The following RUNX2 variants were observed in gnomAD, a reference collection of about 807,000 sequenced individuals.
The protein encoded by RUNX2 is RUNX family transcription factor 2.
Under a neutral mutation model 51.7 loss-of-function variants are expected in RUNX2, and 10 were observed. That is an observed-to-expected ratio of 0.19 (90% CI 0.12 to 0.33). The LOEUF is 0.33. RUNX2 is among the 10% of genes least tolerant of loss of function. RUNX2 has a pLI of 1.00. For synonymous variants in RUNX2, 276 were observed against 273.6 expected (o/e 1.01, Z -0.09); for missense variants, 562 against 691.3 (o/e 0.81, Z 2.10).
chr6:45,526,482 G>C (rs1464733495), intron 7 of RUNX2, among the ~76,000 whole-genome samples: 1 of 152,098 alleles, frequency 6.6e-6, no homozygotes, highest in Admixed American at 6.6e-5. Flanking sequence ...TGTGATCACA[G>C]GACCAGGCTT....
intron 2 of RUNX2, among the ~76,000 whole-genome samples, chr6:45,353,295 C>T (rs1165843016): frequency 1.3e-5 from 2 of 151,738 alleles, no homozygotes; most frequent in African/African-American, 2.4e-5. Flanking sequence ...AAAATGATTC[C>T]TAAAAATTCA....
intron 2 of RUNX2, among the ~76,000 whole-genome samples, chr6:45,400,117 AGGAGGGAGGGAAGGAAGGAG>A (rs1346720671): frequency 3.8e-4 from 45 of 117,810 alleles, no homozygotes; most frequent in African/African-American, 1.3e-3. Flanking sequence ...GAAGGAAAGG[AGGAGGGAGGGAAGGAAGGAG>A]GGAGGGAGGG....
rs1802475242 is a variant in RUNX2 at position 45,548,661 on chromosome 6, A to G, written c.*1356A>G. ...ACAGAAAAATGTTCTGTGGTTTCATAGTTAAGCAAAACTCTAAATCGCCAG... is the reference window on the plus strand; with the variant it reads ...ACAGAAAAATGTTCTGTGGTTTCATGGTTAAGCAAAACTCTAAATCGCCAG... On this transcript the variant is annotated 3_prime_UTR_variant, in exon 9 of 9. Coordinates refer to ENST00000647337, the MANE Select transcript of RUNX2 (RefSeq NM_001024630.4). The G allele has an allele frequency of 6.5e-6, 1 of 153,666 alleles. No individual in the cohort carries two copies. Among genetic ancestry groups the G allele is most frequent in the Non-Finnish European group, 1.5e-5 (1 of 68,732 alleles). The allele number at this position is 153,666 out of a possible 1,614,324, so 9.5% of individuals were successfully genotyped here. A position where few individuals can be genotyped will look rare whatever the true frequency, so the allele number is the denominator to read the frequency against.
intron 3 of RUNX2, among the ~76,000 whole-genome samples, chr6:45,429,976 C>G (rs1582103011): frequency 6.6e-6 from 1 of 151,982 alleles, no homozygotes; most frequent in East Asian, 1.9e-4. Context: ...CACCTGTAAT[C>G]CCAGCTACTC....
At chr6:45,482,867 A>T (rs1035698510) in intron 5 of RUNX2, among the ~76,000 whole-genome samples, 14 of 152,302 alleles carry the variant, frequency 9.2e-5, no homozygotes, top group Middle Eastern at 3.4e-3. Flanking sequence ...TTCTCTCTTG[A>T]TAAACGCCGA....
Position 45,545,300 on chromosome 6 carries a change from TGCTGGGCTGGGCAGG to T in RUNX2, c.1087+31_1087+45del. 2.6e-6 allele frequency: 4 copies of T among 1,523,530 alleles called. No individual in the cohort carries two copies. The highest frequency in any genetic ancestry group is 1.4e-5 in the African/African-American group (1 of 72,454). The allele number at this position is 1,523,530 out of a possible 1,614,324, so 94.4% of individuals were successfully genotyped here. A position where few individuals can be genotyped will look rare whatever the true frequency, so the allele number is the denominator to read the frequency against. On this transcript the variant is annotated intron_variant, in intron 8 of 8. Coordinates refer to ENST00000647337, the MANE Select transcript of RUNX2 (RefSeq NM_001024630.4). ...CCAGGCAGGTGAGACTTTTAACAATTGCTGGGCTGGGCAGGGCTGGGCTGGGCTGGGCTGTCTGGT... is the reference window on the plus strand; with the variant it reads ...CCAGGCAGGTGAGACTTTTAACAATTGCTGGGCTGGGCTGGGCTGTCTGGT...
At chr6:45,425,852 C>T (rs529658742) in intron 3 of RUNX2, among the ~76,000 whole-genome samples, 1 of 152,154 alleles carries the variant, frequency 6.6e-6, no homozygotes, top group Admixed American at 6.5e-5. Context: ...TAGTGGTTGT[C>T]AGGTCAATAG....
intron 2 of RUNX2, among the ~76,000 whole-genome samples, chr6:45,340,467 G>A (rs1470216990): frequency 6.6e-6 from 1 of 151,880 alleles, no homozygotes; most frequent in Non-Finnish European, 1.5e-5. Flanking sequence ...TGGACTACAG[G>A]CACGCACCAC....
At chr6:45,505,623 AG>A (rs1307006334) in intron 6 of RUNX2, among the ~76,000 whole-genome samples, 1 of 152,134 alleles carries the variant, frequency 6.6e-6, no homozygotes, top group Non-Finnish European at 1.5e-5. Flanking sequence ...GTTTACATAA[AG>A]GGTTGTCTCC....
At chr6:45,427,360 A>C (rs1233469074) in intron 3 of RUNX2, among the ~76,000 whole-genome samples, 4 of 152,224 alleles carry the variant, frequency 2.6e-5, no homozygotes, top group African/African-American at 9.6e-5. Flanking sequence ...GCTGCTTTAC[A>C]TTGAAATAAT....
chr6:45,422,020 G>C (rs563844667), intron 2 of RUNX2: 1 of 149,094 alleles, frequency 6.7e-6, no homozygotes, highest in Admixed American at 6.7e-5. Context: ...CCCGCGCGGG[G>C]GGAGCGGCGG....
At chr6:45,329,900 T>C (rs1424381708) in intron 2 of RUNX2, among the ~76,000 whole-genome samples, 1 of 151,920 alleles carries the variant, frequency 6.6e-6, no homozygotes, top group Non-Finnish European at 1.5e-5. Flanking sequence ...TTTTCTTATA[T>C]CCATTAAAAT....
chr6:45,508,515 A>C (rs1406908295), intron 6 of RUNX2, among the ~76,000 whole-genome samples: 1 of 152,176 alleles, frequency 6.6e-6, no homozygotes, highest in Non-Finnish European at 1.5e-5. Flanking sequence ...GGTGTGAGCC[A>C]CTGCTCCCGG....
In RUNX2 at chr6:45,328,819, T is replaced by C. The variant is rs376606261; in HGVS notation, c.58+35T>C. ...ACCATTTTTAAAATCCTGTAAGATA[T>C]GAACCTGTTAAACATAAAGGTATGA... On this transcript the variant is annotated intron_variant, in intron 2 of 8. Coordinates refer to ENST00000647337, the MANE Select transcript of RUNX2 (RefSeq NM_001024630.4). 1.3e-4 allele frequency: 200 copies of C among 1,597,828 alleles called. 2 individuals are homozygous for C. In the South Asian group the frequency reaches 1.9e-3, roughly 15 times the overall value.
chr6:45,402,854 C>A (rs900305336), intron 2 of RUNX2, among the ~76,000 whole-genome samples: 5 of 152,180 alleles, frequency 3.3e-5, no homozygotes, highest in African/African-American at 1.2e-4. Flanking sequence ...GCCTGAGCTA[C>A]AGAGCAAGAC....
intron 5 of RUNX2, among the ~76,000 whole-genome samples, chr6:45,475,454 T>G (rs1799930856): frequency 6.6e-6 from 1 of 152,346 alleles, no homozygotes; most frequent in Middle Eastern, 3.4e-3. Flanking sequence ...TGGCTCCATG[T>G]GCAGGTATAC....
At position 45,430,969 on chromosome 6, in the gene RUNX2, C is replaced by G. The variant is rs140410870; in HGVS notation, c.424-894C>G. Among the ~76,000 whole-genome samples the G allele has an allele frequency of 7.9e-5, 12 of 152,312 alleles. No homozygotes were observed. The East Asian group carries it at 2.3e-3, about 29-fold the overall frequency. On this transcript the variant is annotated intron_variant, in intron 3 of 8. Coordinates refer to ENST00000647337, the MANE Select transcript of RUNX2 (RefSeq NM_001024630.4). ...TGCACCAGCATCTCCTTACTGGGCT[C>G]TGTGTTAATCAAAGGCACACATTTG...
rs1581996644 is a variant in RUNX2 at position 45,372,055 on chromosome 6, A to G, written c.58+43271A>G. The G allele has an allele frequency of 4.2e-6, 4 of 960,990 alleles. No homozygotes were observed. The South Asian group carries it at 1.9e-4, about 46-fold the overall frequency. The allele number at this position is 960,990 out of a possible 1,614,324, so 59.5% of individuals were successfully genotyped here. A position where few individuals can be genotyped will look rare whatever the true frequency, so the allele number is the denominator to read the frequency against. On this transcript the variant is annotated intron_variant, in intron 2 of 8. Transcript: ENST00000647337. ...AAAAGTTTATCATAACTAACCCAAA[A>G]GGCCTCCACAATGTGTATGTCACAG... is the stretch of plus-strand genomic sequence containing the variant.
intron 5 of RUNX2, among the ~76,000 whole-genome samples, chr6:45,490,639 A>T (rs1316343249): frequency 2.6e-5 from 4 of 152,222 alleles, no homozygotes; most frequent in African/African-American, 9.6e-5. Flanking sequence ...AGTGGAAGCT[A>T]AGGCGTTTGC....
Sources: allele counts gnomAD v4.1 joint callset (sites outside exome capture counted in the v4.1 genomes callset), GRCh38; gene constraint gnomAD v4.1.1; transcripts MANE v1.5; gene names NCBI Gene and HGNC (gene_info 2026-07-23, HGNC 2026-07-21).